The following ANO2 variants were observed in gnomAD, a reference collection of about 807,000 sequenced individuals.
The protein encoded by ANO2 is anoctamin-2.
ANO2 carries 101 observed loss-of-function variants against 124.2 expected under a neutral mutation model. That is an observed-to-expected ratio of 0.81 (90% CI 0.69 to 0.96). The LOEUF (loss-of-function observed/expected upper bound fraction) is 0.96, where lower values mean the gene tolerates loss of function less well. ANO2 is among the 40% of genes least tolerant of loss of function. The pLI is 0.00. For synonymous variants in ANO2, 486 were observed against 482.5 expected (o/e 1.01, Z -0.09); for missense variants, 1,293 against 1,274.5 (o/e 1.01, Z -0.22).
intron 20 of ANO2, among the ~76,000 whole-genome samples, chr12:5,593,326 AT>A (rs913734170): frequency 2.0e-5 from 3 of 152,178 alleles, no homozygotes; most frequent in African/African-American, 7.2e-5. Flanking sequence ...AATAGCGATT[AT>A]TTTTTGGATG....
rs985732609 is a variant in ANO2, at chr12:5,922,508, T to C, written c.207+112A>G. 6.5e-6 allele frequency: 8 copies of C among 1,228,380 alleles called. No individual in the cohort carries two copies. The African/African-American group carries it at 1.1e-4, about 17-fold the overall frequency. 76.1% of individuals were successfully genotyped at this position (1,228,380 alleles called of 1,614,324 possible). On this transcript the variant is annotated intron_variant, in intron 2 of 24. Coordinates refer to ENST00000682330, the MANE Select transcript of ANO2 (RefSeq NM_001364791.2). ...GGCCCTACCCAAACCTAGGTCTCTC[T>C]CTTTCACGCACACATGTGCTCCCAA...
At chr12:5,676,738 G>A (rs1948261970) in intron 14 of ANO2, among the ~76,000 whole-genome samples, 1 of 152,082 alleles carries the variant, frequency 6.6e-6, no homozygotes, top group Non-Finnish European at 1.5e-5. Flanking sequence ...CAACTGTACT[G>A]TAAAGATGAC....
At chr12:5,940,229 G>GT (rs1467883741) in intron 1 of ANO2, among the ~76,000 whole-genome samples, 1 of 152,184 alleles carries the variant, frequency 6.6e-6, no homozygotes, top group African/African-American at 2.4e-5. Context: ...GATATGGAAG[G>GT]TGGGCATGCC....
intron 14 of ANO2, among the ~76,000 whole-genome samples, chr12:5,651,774 G>A (rs1182067902): frequency 6.6e-6 from 1 of 152,108 alleles, no homozygotes; most frequent in Admixed American, 6.5e-5. Context: ...CCCAGAACCT[G>A]ACAAGATCTG....
intron 16 of ANO2, among the ~76,000 whole-genome samples, chr12:5,619,426 C>T (rs958176671): frequency 1.3e-5 from 2 of 152,208 alleles, no homozygotes; most frequent in Non-Finnish European, 2.9e-5. Flanking sequence ...AGCAGACCCA[C>T]AAGAGTCCTA....
At chr12:5,923,094 G>GCACGCA (rs1565783529) in intron 1 of ANO2, among the ~76,000 whole-genome samples, 2 of 27,060 alleles carry the variant, frequency 7.4e-5, no homozygotes, top group Non-Finnish European at 1.6e-4. Context: ...ACACACACAC[G>GCACGCA]CACACACATA....
chr12:5,798,542 G>A lies in ANO2; in HGVS notation c.1055+965C>T, dbSNP rs540580508. 8.5e-4 allele frequency among the ~76,000 whole-genome samples: 129 copies of A among 152,260 alleles called. 2 individuals are homozygous for A. The highest frequency in any genetic ancestry group is 2.1e-4 in the Non-Finnish European group (14 of 68,024). The stretch of plus-strand genomic sequence containing the variant: ...CAGCCAGGAACACGCTCTATTCTCA[G>A]GCTGATGAATTAGCTCATTAGGTGA... On this transcript the variant is annotated intron_variant, in intron 10 of 24. Coordinates refer to ENST00000682330, the MANE Select transcript of ANO2 (RefSeq NM_001364791.2).
Position 5,762,946 on chromosome 12 carries a change from C to T in ANO2, c.1056-11976G>A, listed in dbSNP as rs935539586. ...TTTAATTAAGAAAACTGAGTCTTTT[C>T]AATATGAAAAGAGCTAAGGTTTTTC... On this transcript the variant is annotated intron_variant, in intron 10 of 24. Coordinates refer to ENST00000682330, the MANE Select transcript of ANO2 (RefSeq NM_001364791.2). 3.3e-5 allele frequency among the ~76,000 whole-genome samples: 5 copies of T among 151,920 alleles called. No individual in the cohort carries two copies. In the East Asian group the frequency reaches 9.7e-4, roughly 29 times the overall value.
At chr12:5,711,824 G>A (rs1313775701) in intron 14 of ANO2, among the ~76,000 whole-genome samples, 4 of 152,144 alleles carry the variant, frequency 2.6e-5, no homozygotes, top group Non-Finnish European at 4.4e-5. Flanking sequence ...AATATTCCAA[G>A]GCCCTCCTTT....
At chr12:5,582,931 G>A (rs578010069) in intron 20 of ANO2, among the ~76,000 whole-genome samples, 30 of 152,090 alleles carry the variant, frequency 2.0e-4, no homozygotes, top group African/African-American at 7.2e-4. Flanking sequence ...GTGGAACTCG[G>A]TGCCTTGGGC....
At chr12:5,714,806 G>A (rs948506163) in intron 14 of ANO2, among the ~76,000 whole-genome samples, 11 of 152,146 alleles carry the variant, frequency 7.2e-5, no homozygotes, top group African/African-American at 1.9e-4. Context: ...CAGAGCCACC[G>A]TCCTAAACTA....
chr12:5,737,647 C>A (rs1482372461), intron 13 of ANO2, among the ~76,000 whole-genome samples: 1 of 152,164 alleles, frequency 6.6e-6, no homozygotes, highest in African/African-American at 2.4e-5. Context: ...GGAGTAGGCA[C>A]TCTACCCTAC....
Position 5,803,612 on chromosome 12 carries a change from T to C in ANO2, c.990+2440A>G, listed in dbSNP as rs144177298. 9.4e-4 allele frequency among the ~76,000 whole-genome samples: 143 copies of C among 152,096 alleles called. 1 individual carries two copies. The highest frequency in any genetic ancestry group is 3.4e-3 in the African/African-American group (142 of 41,496). On this transcript the variant is annotated intron_variant, in intron 9 of 24. Coordinates refer to ENST00000682330, the MANE Select transcript of ANO2 (RefSeq NM_001364791.2). ...ACTTCTCTGGGAATTTCCAGGACAC[T>C]AGGCAGCTTTGGCAAATGGGGAACT...
At chr12:5,923,170 A>ACATG (rs1941863528) in intron 1 of ANO2, among the ~76,000 whole-genome samples, 1 of 61,584 alleles carries the variant, frequency 1.6e-5, no homozygotes. Flanking sequence ...GCATACACAC[A>ACATG]CACGCACACA....
Position 5,563,532 on chromosome 12 carries a change from T to C in ANO2, c.2764A>G (p.Met922Val), listed in dbSNP as rs138818944. The C allele has an allele frequency of 5.0e-6, 8 of 1,613,980 alleles. No homozygotes were observed. The East Asian group carries it at 1.6e-4, about 31-fold the overall frequency. ...ATGTCCGTGGGGATGTCTGGAATCA[T>C]CCAGTCCACGAGGACGCTCAGGAAC... is the stretch of plus-strand genomic sequence containing the variant. ...VMFLSVLVDW[M>V]IPDIPTDISD... The change falls in exon 25 of 25, where the codon ATG becomes GTG. Residue 922 changes from methionine to valine, a missense_variant. Coordinates refer to ENST00000682330, the MANE Select transcript of ANO2 (RefSeq NM_001364791.2).
intron 10 of ANO2, among the ~76,000 whole-genome samples, chr12:5,786,337 C>T (rs1466800242): frequency 6.6e-6 from 1 of 152,188 alleles, no homozygotes; most frequent in Non-Finnish European, 1.5e-5. Context: ...GAGTGTCATG[C>T]ACCACCTCTG....
At chr12:5,602,511 C>T (rs1054927899) in intron 19 of ANO2, among the ~76,000 whole-genome samples, 12 of 152,140 alleles carry the variant, frequency 7.9e-5, no homozygotes, top group Non-Finnish European at 1.0e-4. Flanking sequence ...ACTTAGGCCT[C>T]CCAAAGTACA....
chr12:5,575,754 G>GT, intron 23 of ANO2, 80 bp downstream of exon 23: 1 of 1,470,688 alleles, frequency 6.8e-7, no homozygotes. Flanking sequence ...GTGCAGGGTT[G>GT]TAATTCTAGG....
Position 5,908,619 on chromosome 12 carries a change from C to T in ANO2, c.534+12421G>A, listed in dbSNP as rs1940852155. Reference sequence around the variant, plus strand: ...CAGGGTTCCCTAGGAGGCATTAGGCCATAAATGGCAATTTCCATGAATCAT... The same window carrying T: ...CAGGGTTCCCTAGGAGGCATTAGGCTATAAATGGCAATTTCCATGAATCAT... On this transcript the variant is annotated intron_variant, in intron 3 of 24. Coordinates refer to ENST00000682330, the MANE Select transcript of ANO2 (RefSeq NM_001364791.2). This position sits in a 1 kb window ranked among gnomAD's most constrained non-coding sequence, Gnocchi z 4.7. Among the ~76,000 whole-genome samples, 1 of 152,130 alleles carries T rather than the reference C, an allele frequency of 6.6e-6. No individual in the cohort carries two copies. The highest frequency in any genetic ancestry group is 2.4e-5 in the African/African-American group (1 of 41,416).
Sources: gnomAD v4.1 joint callset for allele counts (sites outside exome capture counted in the v4.1 genomes callset) on GRCh38, gnomAD v4.1.1 for gene constraint, Gnocchi (gnomAD v3.1) non-coding constraint, MANE v1.5 for transcripts, NCBI Gene and HGNC (gene_info 2026-07-23, HGNC 2026-07-21) for gene names.